Variants in FOXP1 observed in about 807,000 individuals in gnomAD.
FOXP1 encodes forkhead box protein P1.
In FOXP1, 15 loss-of-function variants were observed where a neutral mutation model predicts 98.2. The observed-to-expected ratio is 0.15, with a 90% CI of 0.10 to 0.24. The LOEUF (loss-of-function observed/expected upper bound fraction) is 0.24, where lower values mean the gene tolerates loss of function less well. Ranked by LOEUF, FOXP1 falls within the 10% of genes least tolerant of loss-of-function variation. FOXP1 has a pLI of 1.00. For missense variants in FOXP1, 633 were observed against 848.5 expected (o/e 0.75, Z 3.15); for synonymous variants, 371 against 314.5 (o/e 1.18, Z -1.90).
chr3:71,033,904 G>A (rs2047223193), intron 11 of FOXP1, among the ~76,000 whole-genome samples: 1 of 152,130 alleles, frequency 6.6e-6, no homozygotes, highest in Non-Finnish European at 1.5e-5. Context: ...ACCTCAGCAG[G>A]AACAGCTTTT....
Position 71,119,913 on chromosome 3 carries a change from T to A in FOXP1, c.181-7276A>T, listed in dbSNP as rs142081232. 4.5e-3 allele frequency among the ~76,000 whole-genome samples: 686 copies of A among 152,388 alleles called. 3 individuals are homozygous for A. Among genetic ancestry groups the A allele is most frequent in the African/African-American group, 0.016 (649 of 41,584 alleles). On this transcript the variant is annotated intron_variant, in intron 6 of 20. Transcript: ENST00000649528. ...CAAACAATTTTTTAAAATTTTATTT[T>A]ACAAATAGAACATTTGGTTGTAACA...
chr3:71,530,918 A>C (rs139295801), intron 2 of FOXP1, among the ~76,000 whole-genome samples: 102 of 152,300 alleles, frequency 6.7e-4, no homozygotes, highest in African/African-American at 2.4e-3. Flanking sequence ...AGACTGAGCT[A>C]ATTTGTACTA....
chr3:71,144,046 A>G (rs1568555), intron 6 of FOXP1, among the ~76,000 whole-genome samples: 89,738 of 150,402 alleles, frequency 0.6, 31,162 homozygotes, highest in Middle Eastern at 0.77. Flanking sequence ...CATGAATAGG[A>G]AAAAAAAAAG....
At chr3:71,053,150 A>C (rs1240631418) in intron 8 of FOXP1, among the ~76,000 whole-genome samples, 2 of 152,174 alleles carry the variant, frequency 1.3e-5, no homozygotes, top group Non-Finnish European at 2.9e-5. Context: ...CCAGAAGTTC[A>C]TTTCAGCAAC....
At chr3:70,959,590 T>TGCTAGCCACATTTATGTTCAAAGGCCCC (rs2032739163) in intron 20 of FOXP1, among the ~76,000 whole-genome samples, 199 bp from the exon 21 acceptor site, 1 of 152,208 alleles carries the variant, frequency 6.6e-6, no homozygotes, top group Non-Finnish European at 1.5e-5. Flanking sequence ...TTCTGAGTTG[T>TGCTAGCCACATTTATGTTCAAAGGCCCC]GCTAGCCACA....
At chr3:71,186,647 G>A (rs1217775443) in intron 6 of FOXP1, among the ~76,000 whole-genome samples, 1 of 152,204 alleles carries the variant, frequency 6.6e-6, no homozygotes, top group Non-Finnish European at 1.5e-5. Context: ...GGAGGTGGAG[G>A]TTGCAGTGAG....
intron 19 of FOXP1, among the ~76,000 whole-genome samples, chr3:70,967,835 CCATAAGATAAGCTCT>C (rs1017764255): frequency 1.3e-5 from 2 of 149,290 alleles, no homozygotes; most frequent in Non-Finnish European, 3.0e-5. Flanking sequence ...ACTGGAAATA[CCATAAGATAAGCTCT>C]CATAAGACAA....
At chr3:71,097,634 TA>T (rs1377883274) in intron 7 of FOXP1, among the ~76,000 whole-genome samples, 1 of 152,168 alleles carries the variant, frequency 6.6e-6, no homozygotes, top group Non-Finnish European at 1.5e-5. Flanking sequence ...ACAGTACCTT[TA>T]AATGTCATCA....
chr3:71,382,065 G>T (rs910116638), intron 3 of FOXP1, among the ~76,000 whole-genome samples: 1 of 152,092 alleles, frequency 6.6e-6, no homozygotes, highest in African/African-American at 2.4e-5. Context: ...TGAGTCCAAG[G>T]CTTCAAGACC....
intron 7 of FOXP1, among the ~76,000 whole-genome samples, chr3:71,106,658 C>T (rs1452372515): frequency 6.6e-6 from 1 of 151,206 alleles, no homozygotes; most frequent in Non-Finnish European, 1.5e-5. Context: ...TAGAGTCTTG[C>T]TATGTTACCC....
At chr3:71,494,917 G>GAA (rs796116319) in intron 2 of FOXP1, among the ~76,000 whole-genome samples, 3 of 98,976 alleles carry the variant, frequency 3.0e-5, no homozygotes, top group African/African-American at 7.5e-5. Context: ...ATGTCACATA[G>GAA]AAAAAAAAAA....
intron 13 of FOXP1, among the ~76,000 whole-genome samples, chr3:70,990,547 T>G (rs984864444): frequency 6.6e-6 from 1 of 152,202 alleles, no homozygotes; most frequent in Admixed American, 6.5e-5. Context: ...TATTCCAGCA[T>G]TTCCTCTTAA....
intron 5 of FOXP1, among the ~76,000 whole-genome samples, chr3:71,211,502 G>A (rs1167189337): frequency 6.6e-6 from 1 of 151,804 alleles, no homozygotes; most frequent in Non-Finnish European, 1.5e-5. Context: ...CACCATGCCG[G>A]GCCCACATTT....
chr3:71,570,812 T>C (rs1402628471), intron 2 of FOXP1: 2 of 152,190 alleles, frequency 1.3e-5, no homozygotes, highest in African/African-American at 2.4e-5. Context: ...TTGGCCTGCC[T>C]TACCATAGAG....
chr3:71,169,243 G>T (rs1338402554), intron 6 of FOXP1, among the ~76,000 whole-genome samples: 1 of 152,164 alleles, frequency 6.6e-6, no homozygotes, highest in African/African-American at 2.4e-5. Flanking sequence ...CCTGTGTTTT[G>T]CCTGGCAGTA....
chr3:71,133,583 A>C (rs1173688937), intron 6 of FOXP1, among the ~76,000 whole-genome samples: 1 of 152,230 alleles, frequency 6.6e-6, no homozygotes, highest in African/African-American at 2.4e-5. Flanking sequence ...CGGAATGTTT[A>C]CACAGTGGTT....
At chr3:71,564,163 C>A (rs2046742130) in intron 2 of FOXP1, among the ~76,000 whole-genome samples, 1 of 152,178 alleles carries the variant, frequency 6.6e-6, no homozygotes, top group African/African-American at 2.4e-5. Flanking sequence ...ACACAAACCC[C>A]AAAACACAGC....
intron 3 of FOXP1, among the ~76,000 whole-genome samples, chr3:71,407,920 G>C (rs1422186267): frequency 6.6e-6 from 1 of 152,194 alleles, no homozygotes; most frequent in East Asian, 1.9e-4. Context: ...TTCCCCAGCA[G>C]CCTGTGTACG....
chr3:71,006,957 A>T (rs894302571), intron 12 of FOXP1, among the ~76,000 whole-genome samples: 2 of 152,106 alleles, frequency 1.3e-5, no homozygotes, highest in Non-Finnish European at 2.9e-5. Context: ...TGGGCCTGTT[A>T]TCTTTGGCAA....
Sources: allele counts gnomAD v4.1 joint callset (sites outside exome capture counted in the v4.1 genomes callset), GRCh38; gene constraint gnomAD v4.1.1; transcripts MANE v1.5; gene names NCBI Gene and HGNC (gene_info 2026-07-23, HGNC 2026-07-21).